The following UBXN7 variants were observed in gnomAD, a reference collection of about 807,000 sequenced individuals.
UBXN7 encodes the protein UBX domain protein 7, also known as UBX domain-containing protein 7.
In UBXN7, 9 loss-of-function variants were observed where a neutral mutation model predicts 58.0. That is an observed-to-expected ratio of 0.16 (90% CI 0.09 to 0.27). The LOEUF (loss-of-function observed/expected upper bound fraction) is 0.27, where lower values mean the gene tolerates loss of function less well. Among genes scored for constraint, UBXN7 ranks in the 10% least tolerant of loss-of-function variants. UBXN7 has a pLI of 1.00. For synonymous variants in UBXN7, 208 were observed against 205.0 expected (o/e 1.01, Z -0.12); for missense variants, 328 against 599.6 (o/e 0.55, Z 4.73).
intron 10 of UBXN7, among the ~76,000 whole-genome samples, chr3:196,358,586 A>T (rs1728416468): frequency 6.6e-6 from 1 of 152,120 alleles, no homozygotes; most frequent in Non-Finnish European, 1.5e-5. Flanking sequence ...AAAGAATTTT[A>T]AAAAATTAGC....
At chr3:196,369,566 A>G in intron 6 of UBXN7, 55 bp from the exon 7 acceptor site, 1 of 1,338,818 alleles carries the variant, frequency 7.5e-7, no homozygotes, top group Non-Finnish European at 1.1e-6. Flanking sequence ...AGAACCAACT[A>G]TAACCTTCTT....
At chr3:196,392,739 G>A (rs1560231697) in intron 4 of UBXN7, among the ~76,000 whole-genome samples, 1 of 152,022 alleles carries the variant, frequency 6.6e-6, no homozygotes, top group Non-Finnish European at 1.5e-5. Context: ...AGAGGTGAAG[G>A]TTGCAGTAAG....
At chr3:196,423,566 G>C (rs973642994) in intron 1 of UBXN7, 10 of 160,630 alleles carry the variant, frequency 6.2e-5, no homozygotes, top group African/African-American at 2.2e-4. Context: ...TCATGGAAGA[G>C]TGGGGACATG....
chr3:196,374,419 C>T (rs1728929727), intron 5 of UBXN7, among the ~76,000 whole-genome samples: 1 of 152,044 alleles, frequency 6.6e-6, no homozygotes, highest in South Asian at 2.1e-4. Flanking sequence ...ATATAAAAAT[C>T]TTTGCCTTTG....
intron 5 of UBXN7, among the ~76,000 whole-genome samples, chr3:196,385,780 C>A (rs573380793): frequency 2.0e-5 from 3 of 150,836 alleles, no homozygotes; most frequent in Non-Finnish European, 4.4e-5. Flanking sequence ...CCAGCCGCCC[C>A]GTCTGGGAAG....
At chr3:196,364,301 G>T (rs1173315422) in intron 8 of UBXN7, among the ~76,000 whole-genome samples, 1 of 152,086 alleles carries the variant, frequency 6.6e-6, no homozygotes. Flanking sequence ...TTGAACACTG[G>T]ATATTTCAGG....
chr3:196,404,903 T>C (rs757885150), intron 2 of UBXN7, among the ~76,000 whole-genome samples: 2 of 152,134 alleles, frequency 1.3e-5, no homozygotes, highest in African/African-American at 2.4e-5. Flanking sequence ...CCTGCAATCC[T>C]AGCATTTTGA....
At position 196,350,124 on chromosome 3, in the gene UBXN7, A is replaced by G. The variant is rs1350746416; in HGVS notation, c.*6561T>C. On this transcript the variant is annotated 3_prime_UTR_variant, in exon 11 of 11. Coordinates refer to ENST00000296328, the MANE Select transcript of UBXN7 (RefSeq NM_015562.2). ...GTATTTGCCATCTCTAATCCTAGAA[A>G]TAAATCTGGTTATCTTTTGAAAATA... The G allele has an allele frequency of 6.6e-6, 1 of 152,256 alleles. No homozygotes were observed. The highest frequency in any genetic ancestry group is 2.4e-5 in the African/African-American group (1 of 41,466). 9.4% of individuals were successfully genotyped at this position (152,256 alleles called of 1,614,324 possible). A position where few individuals can be genotyped will look rare whatever the true frequency, so the allele number is the denominator to read the frequency against.
chr3:196,380,667 G>A (rs1729179158), intron 5 of UBXN7, among the ~76,000 whole-genome samples: 1 of 152,256 alleles, frequency 6.6e-6, no homozygotes, highest in Non-Finnish European at 1.5e-5. Flanking sequence ...GCTGAAGCAG[G>A]GCAGCGTGCC....
chr3:196,393,852 C>T (rs779624286), intron 3 of UBXN7: 8 of 303,358 alleles, frequency 2.6e-5, no homozygotes, highest in African/African-American at 4.3e-5. Context: ...TCATATGGTG[C>T]CTTCCCTCAA....
At chr3:196,425,973 C>T (rs1354116281) in intron 1 of UBXN7, among the ~76,000 whole-genome samples, 6 of 152,252 alleles carry the variant, frequency 3.9e-5, no homozygotes, top group Middle Eastern at 3.4e-3. Context: ...ACAGACACCA[C>T]GCCTTGCTCA....
At chr3:196,407,142 CTTTCA>C (rs746175752) in intron 2 of UBXN7, 99 bp downstream of exon 2, 530 of 1,476,394 alleles carry the variant, frequency 3.6e-4, no homozygotes, top group Non-Finnish European at 4.5e-4. Context: ...GGCTTTCAGC[CTTTCA>C]TTTATTTCAA....
At chr3:196,410,968 A>G (rs1054697591) in intron 1 of UBXN7, among the ~76,000 whole-genome samples, 1 of 152,140 alleles carries the variant, frequency 6.6e-6, no homozygotes, top group Non-Finnish European at 1.5e-5. Context: ...ACAGTTTACT[A>G]TAGTCAAACT....
intron 10 of UBXN7, among the ~76,000 whole-genome samples, chr3:196,360,030 CA>C (rs1291393290): frequency 6.6e-6 from 1 of 152,114 alleles, no homozygotes; most frequent in African/African-American, 2.4e-5. Flanking sequence ...AAGCCTAATC[CA>C]AAACAAGGTT....
chr3:196,430,392 C>G (rs1019385013), intron 1 of UBXN7, among the ~76,000 whole-genome samples: 154 of 150,610 alleles, frequency 1.0e-3, no homozygotes, highest in African/African-American at 3.7e-3. Flanking sequence ...TAATAAGTGG[C>G]TTTTTTTTTC....
chr3:196,391,779 T>C, intron 5 of UBXN7, 34 bp downstream of exon 5: 1 of 1,495,256 alleles, frequency 6.7e-7, no homozygotes, highest in Non-Finnish European at 9.2e-7. Context: ...GCAAAAGGAT[T>C]CATAGTTAAG....
intron 3 of UBXN7, chr3:196,397,436 T>C (rs551376612): frequency 3.9e-5 from 6 of 152,312 alleles, no homozygotes; most frequent in African/African-American, 1.4e-4. Flanking sequence ...AGTTCAAGTA[T>C]AGAAAGAAAA....
intron 1 of UBXN7, among the ~76,000 whole-genome samples, chr3:196,428,017 C>T (rs1255120376): frequency 2.6e-5 from 4 of 152,006 alleles, no homozygotes; most frequent in Non-Finnish European, 2.9e-5. Context: ...CCAGCTACTG[C>T]GGAGGCTGAA....
chr3:196,382,170 C>T (rs1420403891), intron 5 of UBXN7, among the ~76,000 whole-genome samples: 1 of 152,090 alleles, frequency 6.6e-6, no homozygotes, highest in Non-Finnish European at 1.5e-5. Flanking sequence ...AGAAAAGCAA[C>T]CCCAAGACAC....
Sources: allele counts gnomAD v4.1 joint callset (sites outside exome capture counted in the v4.1 genomes callset), GRCh38; gene constraint gnomAD v4.1.1; transcripts MANE v1.5; gene names NCBI Gene and HGNC (gene_info 2026-07-23, HGNC 2026-07-21).